Variants in PRIM2 observed in about 807,000 individuals in gnomAD.
PRIM2 encodes DNA primase subunit 2.
PRIM2 carries 39 observed loss-of-function variants against 67.3 expected under a neutral mutation model. That is an observed-to-expected ratio of 0.58 (90% CI 0.45 to 0.76). The LOEUF is 0.76. Ranked by LOEUF, PRIM2 falls within the 30% of genes least tolerant of loss-of-function variation. The pLI is 0.00. For synonymous variants in PRIM2, 143 were observed against 198.7 expected (o/e 0.72, Z 2.36); for missense variants, 398 against 598.7 (o/e 0.66, Z 3.50).
At chr6:57,500,341 G>C (rs1488930133) in intron 7 of PRIM2, among the ~76,000 whole-genome samples, 2 of 152,122 alleles carry the variant, frequency 1.3e-5, no homozygotes, top group Non-Finnish European at 2.9e-5. Flanking sequence ...TGCCTCTCTT[G>C]AACTATTGCA....
intron 7 of PRIM2, among the ~76,000 whole-genome samples, chr6:57,476,678 G>A (rs1399354371): frequency 6.6e-6 from 1 of 152,128 alleles, no homozygotes; most frequent in Non-Finnish European, 1.5e-5. Context: ...TAAAAATTCT[G>A]TAGGCCACCC....
At chr6:57,529,077 G>A (rs1192549350) in intron 8 of PRIM2, among the ~76,000 whole-genome samples, 11 of 151,772 alleles carry the variant, frequency 7.2e-5, no homozygotes, top group Middle Eastern at 3.2e-3. Context: ...TTGGGAGGCC[G>A]AGGTGGGTGG....
chr6:57,244,138 C>G, the PRIM2 span, among the ~76,000 whole-genome samples: 1 of 152,176 alleles, frequency 6.6e-6, no homozygotes, highest in South Asian at 2.1e-4. Flanking sequence ...AGCTCACCTA[C>G]CGCAGCCAAT....
At chr6:57,390,256 C>G (rs747500614) in intron 7 of PRIM2, 1 of 153,822 alleles carries the variant, frequency 6.5e-6, no homozygotes, top group African/African-American at 2.4e-5. Context: ...AGCATATGCT[C>G]TTTCTAGTTT....
chr6:57,498,296 T>C (rs1455140833), intron 7 of PRIM2, among the ~76,000 whole-genome samples: 1 of 152,052 alleles, frequency 6.6e-6, no homozygotes, highest in East Asian at 1.9e-4. Context: ...AGATTTTGAG[T>C]TGGCACTCTT....
At position 57,539,648 on chromosome 6, in the gene PRIM2, GTGTGTGTGTATATA is replaced by G. The variant is rs1173292724; in HGVS notation, c.1020+2025_1020+2038del. Among the ~76,000 whole-genome samples the G allele has an allele frequency of 7.7e-3, 610 of 78,890 alleles. 2 individuals are homozygous for G. The highest frequency in any genetic ancestry group is 0.024 in the East Asian group (59 of 2,412). The allele number at this position is 78,890 out of a possible 152,430, so 51.8% of individuals were successfully genotyped here. A position where few individuals can be genotyped will look rare whatever the true frequency, so the allele number is the denominator to read the frequency against. On this transcript the variant is annotated intron_variant, in intron 10 of 13. Coordinates refer to ENST00000615550, the MANE Select transcript of PRIM2 (RefSeq NM_000947.5). ...TGTGTGTGTGTGTGTGTGTGTGTGT[GTGTGTGTGTATATA>G]TATATATATATGCATTCACCAGGAA...
intron 10 of PRIM2, among the ~76,000 whole-genome samples, chr6:57,574,313 G>GAA (rs1775922022): frequency 6.6e-6 from 1 of 152,048 alleles, no homozygotes; most frequent in South Asian, 2.1e-4. Flanking sequence ...TTGCTACCAA[G>GAA]GCTTTTGAGC....
intron 8 of PRIM2, among the ~76,000 whole-genome samples, chr6:57,510,624 C>T (rs1227671685): frequency 6.6e-6 from 1 of 151,530 alleles, no homozygotes; most frequent in African/African-American, 2.4e-5. Flanking sequence ...GTAATGTGCA[C>T]CCACTGCTGT....
chr6:57,322,717 A>C (rs903529551), intron 3 of PRIM2, among the ~76,000 whole-genome samples: 2 of 152,122 alleles, frequency 1.3e-5, no homozygotes, highest in Non-Finnish European at 2.9e-5. Context: ...CAGCATGAGA[A>C]TGGACTAATG....
chr6:57,503,444 A>G (rs1314535776), intron 7 of PRIM2, among the ~76,000 whole-genome samples: 2 of 152,164 alleles, frequency 1.3e-5, no homozygotes, highest in Admixed American at 1.3e-4. Context: ...TCAGAGAGAC[A>G]TAGATTAGAA....
chr6:57,256,714 T>TCACACACACACACACA, the PRIM2 span, among the ~76,000 whole-genome samples: 1 of 134,408 alleles, frequency 7.4e-6, no homozygotes, highest in Non-Finnish European at 1.6e-5. Flanking sequence ...TCTCTCACTT[T>TCACACACACACACACA]CACACACACA....
intron 10 of PRIM2, among the ~76,000 whole-genome samples, chr6:57,553,198 A>G (rs1775438180): frequency 2.0e-5 from 3 of 152,120 alleles, no homozygotes; most frequent in Admixed American, 6.5e-5. Context: ...TGTAATTTAG[A>G]TAGAATAATA....
intron 7 of PRIM2, among the ~76,000 whole-genome samples, chr6:57,385,954 A>G (rs1288838491): frequency 2.8e-5 from 4 of 141,476 alleles, no homozygotes; most frequent in Non-Finnish European, 3.1e-5. Context: ...TTTTTTGGTT[A>G]TCACAAATAC....
intron 5 of PRIM2, among the ~76,000 whole-genome samples, chr6:57,352,442 T>C (rs1047765441): frequency 3.3e-5 from 5 of 152,142 alleles, no homozygotes; most frequent in African/African-American, 1.2e-4. Flanking sequence ...GGTTTCACCA[T>C]GTTGGCCAGG....
At chr6:57,234,373 G>A in the PRIM2 span, among the ~76,000 whole-genome samples, 1 of 152,138 alleles carries the variant, frequency 6.6e-6, no homozygotes, top group Non-Finnish European at 1.5e-5. Context: ...CATTGCACTA[G>A]CATCACTGTT....
intron 7 of PRIM2, among the ~76,000 whole-genome samples, chr6:57,470,740 T>A (rs1455166647): frequency 1.3e-5 from 2 of 152,086 alleles, no homozygotes; most frequent in Non-Finnish European, 2.9e-5. Flanking sequence ...AGCTTACTAG[T>A]TATAGCTAGT....
At chr6:57,440,698 A>G (rs1434501481) in intron 7 of PRIM2, among the ~76,000 whole-genome samples, 1 of 152,162 alleles carries the variant, frequency 6.6e-6, no homozygotes, top group Non-Finnish European at 1.5e-5. Flanking sequence ...TTGACTTTTG[A>G]CTGGCAGCAC....
intron 5 of PRIM2, among the ~76,000 whole-genome samples, chr6:57,363,447 A>G (rs1027439260): frequency 6.6e-6 from 1 of 152,182 alleles, no homozygotes; most frequent in East Asian, 1.9e-4. Context: ...ATGTTTTATT[A>G]CTATATACTA....
At chr6:57,528,769 G>T (rs1443529359) in intron 8 of PRIM2, among the ~76,000 whole-genome samples, 1 of 152,162 alleles carries the variant, frequency 6.6e-6, no homozygotes, top group Non-Finnish European at 1.5e-5. Flanking sequence ...TCCTCTACAG[G>T]ATCATGCTGT....
Sources: allele counts gnomAD v4.1 joint callset (sites outside exome capture counted in the v4.1 genomes callset), GRCh38; gene constraint gnomAD v4.1.1; transcripts MANE v1.5; gene names NCBI Gene and HGNC (gene_info 2026-07-23, HGNC 2026-07-21).